The following NCKAP5 variants were observed in gnomAD, a reference collection of about 807,000 sequenced individuals.
NCKAP5 encodes the protein NCK associated protein 5.
Under a neutral mutation model 167.0 loss-of-function variants are expected in NCKAP5, and 92 were observed. The observed-to-expected ratio is 0.55, with a 90% CI of 0.47 to 0.66. The LOEUF (loss-of-function observed/expected upper bound fraction) is 0.66. NCKAP5 is among the 30% of genes least tolerant of loss of function. NCKAP5 has a pLI of 0.00. For synonymous variants in NCKAP5, 891 were observed against 877.4 expected (o/e 1.02, Z -0.27); for missense variants, 2,378 against 2,315.0 (o/e 1.03, Z -0.56).
At chr2:132,933,158 C>T (rs1696568689) in intron 8 of NCKAP5, among the ~76,000 whole-genome samples, 1 of 152,076 alleles carries the variant, frequency 6.6e-6, no homozygotes. Context: ...ATCTTCTGAC[C>T]TCATGATCTG....
At chr2:133,190,184 A>G (rs1289735588) in intron 5 of NCKAP5, among the ~76,000 whole-genome samples, 2 of 152,164 alleles carry the variant, frequency 1.3e-5, no homozygotes, top group East Asian at 3.8e-4. Context: ...ATTGCTTCAA[A>G]GAGAATAAAA....
intron 3 of NCKAP5, among the ~76,000 whole-genome samples, chr2:133,383,339 G>A (rs1436657488): frequency 1.3e-5 from 2 of 152,010 alleles, no homozygotes; most frequent in Non-Finnish European, 2.9e-5. Flanking sequence ...TCTTGCGATC[G>A]TATGCTGAGA....
At chr2:133,507,487 T>A (rs755466066) in intron 3 of NCKAP5, among the ~76,000 whole-genome samples, 25 of 152,148 alleles carry the variant, frequency 1.6e-4, no homozygotes, top group Non-Finnish European at 2.6e-4. Flanking sequence ...ACAATTATGA[T>A]CCATTAAGCC....
chr2:132,872,377 T>C (rs1022515878), intron 9 of NCKAP5, among the ~76,000 whole-genome samples: 1 of 152,218 alleles, frequency 6.6e-6, no homozygotes, highest in African/African-American at 2.4e-5. Flanking sequence ...ACTTTGCTCT[T>C]CTTCCCTGAA....
intron 3 of NCKAP5, among the ~76,000 whole-genome samples, chr2:133,338,597 A>G (rs1683368053): frequency 6.6e-6 from 1 of 152,226 alleles, no homozygotes. Context: ...CTAAGGCAGG[A>G]GGCCTGTTAT....
chr2:132,940,769 A>G (rs951446544), intron 8 of NCKAP5, among the ~76,000 whole-genome samples: 16 of 151,978 alleles, frequency 1.1e-4, no homozygotes, highest in Non-Finnish European at 2.4e-4. Flanking sequence ...TATAATTAAG[A>G]AAAAAAGAAA....
In NCKAP5 at chr2:132,692,229, A is replaced by G. The variant is rs1009808614; in HGVS notation, c.5714-18924T>C. 1.5e-4 allele frequency among the ~76,000 whole-genome samples: 23 copies of G among 151,582 alleles called. 1 individual carries two copies. Among genetic ancestry groups the G allele is most frequent in the African/African-American group, 4.8e-4 (20 of 41,302 alleles). On this transcript the variant is annotated intron_variant, in intron 19 of 19. Transcript: ENST00000409261. ...GCAATCTTGGCTCACTGCAACCTCC[A>G]CCTCCCAGGCTCAAATGATTCTCCT... is the stretch of plus-strand genomic sequence containing the variant.
At chr2:133,478,193 G>T (rs1680105287) in intron 3 of NCKAP5, among the ~76,000 whole-genome samples, 1 of 152,140 alleles carries the variant, frequency 6.6e-6, no homozygotes, top group South Asian at 2.1e-4. Context: ...CTATCACAGT[G>T]AATCTCACCT....
chr2:132,853,369 T>C (rs1689220751), intron 11 of NCKAP5, among the ~76,000 whole-genome samples: 1 of 152,178 alleles, frequency 6.6e-6, no homozygotes, highest in Non-Finnish European at 1.5e-5. Context: ...GGCACACAAC[T>C]TCCTTTCCTG....
intron 6 of NCKAP5, among the ~76,000 whole-genome samples, chr2:133,128,813 G>T (rs1030245588): frequency 6.6e-6 from 1 of 152,048 alleles, no homozygotes; most frequent in African/African-American, 2.4e-5. Context: ...GGCCAGGCTG[G>T]TCTTGAACTC....
At chr2:133,667,973 G>A in the NCKAP5 span, among the ~76,000 whole-genome samples, 1 of 151,868 alleles carries the variant, frequency 6.6e-6, no homozygotes, top group Non-Finnish European at 1.5e-5. Flanking sequence ...AGAAACAATT[G>A]TCTACTTTAT....
chr2:133,653,525 C>G, the NCKAP5 span, among the ~76,000 whole-genome samples: 1 of 152,200 alleles, frequency 6.6e-6, no homozygotes, highest in African/African-American at 2.4e-5. Flanking sequence ...AAACATGAGT[C>G]TATCTCATCT....
At chr2:133,311,602 A>G (rs1559373779) in intron 3 of NCKAP5, among the ~76,000 whole-genome samples, 1 of 152,154 alleles carries the variant, frequency 6.6e-6, no homozygotes, top group East Asian at 1.9e-4. Flanking sequence ...ACCAGCCCCC[A>G]TCCTGAGGCT....
chr2:133,297,466 C>T (rs1680048712), intron 4 of NCKAP5, among the ~76,000 whole-genome samples: 1 of 152,084 alleles, frequency 6.6e-6, no homozygotes, highest in African/African-American at 2.4e-5. Flanking sequence ...TCTATTTCAA[C>T]AGAATATTAG....
At position 132,782,855 on chromosome 2, in the gene NCKAP5, G is replaced by A. The variant is rs775152473; in HGVS notation, c.3956C>T (p.Thr1319Met). The part of the protein sequence containing the change: ...GNSLTRQNSS[T>M]ESSPNKAPSA... ...AGGGGCCTTGTTGGGAGAGCTTTCC[G>A]TGGAAGAGTTCTGCCGGGTAAGAGA... The change falls in exon 14 of 20, where the codon ACG becomes ATG. Residue 1319 changes from threonine (T) to methionine (M), a missense_variant. Around this residue, in one of 3 missense-constraint regions of NCKAP5, gnomAD observed 1,325 missense variants for 1,274.5 expected, o/e 1.04. Transcript: ENST00000409261. 2.7e-5 allele frequency: 43 copies of A among 1,613,838 alleles called. No individual in the cohort carries two copies. Among genetic ancestry groups the A allele is most frequent in the African/African-American group, 1.1e-4 (8 of 74,914 alleles).
At chr2:133,466,598 G>A (rs1384214535) in intron 3 of NCKAP5, among the ~76,000 whole-genome samples, 1 of 152,100 alleles carries the variant, frequency 6.6e-6, no homozygotes, top group Non-Finnish European at 1.5e-5. Context: ...AATTACCTTG[G>A]GCAGTATGGC....
At chr2:133,464,513 C>G (rs1692415907) in intron 3 of NCKAP5, among the ~76,000 whole-genome samples, 1 of 152,088 alleles carries the variant, frequency 6.6e-6, no homozygotes, top group Admixed American at 6.5e-5. Context: ...CACGGTGAAA[C>G]CCAGTCTCTA....
chr2:133,017,919 C>G (rs1402977749), intron 6 of NCKAP5, among the ~76,000 whole-genome samples: 1 of 152,184 alleles, frequency 6.6e-6, no homozygotes, highest in East Asian at 1.9e-4. Flanking sequence ...AACGAAAGAG[C>G]AGCAAATCAC....
At chr2:133,323,666 T>C (rs1469527829) in intron 3 of NCKAP5, among the ~76,000 whole-genome samples, 1 of 152,180 alleles carries the variant, frequency 6.6e-6, no homozygotes, top group African/African-American at 2.4e-5. Flanking sequence ...GTCCTTGGCA[T>C]ACAGTTGGAG....
Sources: gnomAD v4.1 joint callset for allele counts (sites outside exome capture counted in the v4.1 genomes callset) on GRCh38, gnomAD v4.1.1 for gene constraint, gnomAD v4.1.1 regional missense constraint, MANE v1.5 for transcripts, NCBI Gene and HGNC (gene_info 2026-07-23, HGNC 2026-07-21) for gene names.